LRRC2: variants seen among roughly 807,000 people sequenced by gnomAD.
LRRC2 encodes the protein leucine rich repeat containing 2.
In LRRC2, 27 loss-of-function variants were observed where a neutral mutation model predicts 40.2. That is an observed-to-expected ratio of 0.67 (90% CI 0.49 to 0.93). The LOEUF is 0.93. Among genes scored for constraint, LRRC2 ranks in the 40% least tolerant of loss-of-function variants. LRRC2 has a pLI of 0.00. For synonymous variants in LRRC2, 147 were observed against 158.9 expected (o/e 0.92, Z 0.56); for missense variants, 402 against 439.6 (o/e 0.91, Z 0.76).
At chr3:46,544,511 C>G (rs977462865) in intron 3 of LRRC2, among the ~76,000 whole-genome samples, 1 of 152,158 alleles carries the variant, frequency 6.6e-6, no homozygotes, top group African/African-American at 2.4e-5. Context: ...TGGCAAGATA[C>G]AAAGAGATGG....
chr3:46,529,927 C>A lies in LRRC2; in HGVS notation c.751G>T (p.Asp251Tyr), dbSNP rs757987500. Residue 251 changes from aspartate to tyrosine, a missense_variant, in exon 6 of 9, where the codon GAC (aspartate) becomes TAC (tyrosine). By Grantham distance (160) the Asp-to-Tyr change is radical. Transcript: ENST00000395905. ...TACCTGTCTATATCTTGCGGCAGGT[C>A]GGTCAGGTTATTGCTGCTGATATCC... ...WLDISSNNLT[D>Y]LPQDIDRLEE... is the part of the protein sequence containing the mutation. 1 of 1,614,034 alleles carries A rather than the reference C, an allele frequency of 6.2e-7. No homozygotes were observed. Among genetic ancestry groups the A allele is most frequent in the Non-Finnish European group, 8.5e-7 (1 of 1,180,006 alleles).
At chr3:46,529,799 G>T in intron 6 of LRRC2, 106 bp downstream of exon 6, 1 of 1,199,944 alleles carries the variant, frequency 8.3e-7, no homozygotes, top group Non-Finnish European at 1.2e-6. Context: ...TGGAAAATTA[G>T]TTGATTCCAA....
chr3:46,557,193 GA>G (rs1326763755), intron 1 of LRRC2, among the ~76,000 whole-genome samples: 1 of 152,128 alleles, frequency 6.6e-6, no homozygotes, highest in Non-Finnish European at 1.5e-5. Context: ...CACCACAAAA[GA>G]AGTGTAAATG....
At chr3:46,560,817 A>T (rs546852176) in intron 1 of LRRC2, among the ~76,000 whole-genome samples, 16 of 152,286 alleles carry the variant, frequency 1.1e-4, no homozygotes, top group South Asian at 6.2e-4. Flanking sequence ...CAGAAGGAGA[A>T]CGGTGGCATC....
At chr3:46,538,810 T>G (rs1290035299) in intron 4 of LRRC2, among the ~76,000 whole-genome samples, 1 of 152,242 alleles carries the variant, frequency 6.6e-6, no homozygotes, top group African/African-American at 2.4e-5. Context: ...AACTTCTGGT[T>G]TCTGAGCAAT....
At chr3:46,545,877 G>C (rs141278814) in intron 2 of LRRC2, among the ~76,000 whole-genome samples, 70 of 152,362 alleles carry the variant, frequency 4.6e-4, no homozygotes, top group African/African-American at 1.6e-3. Context: ...CCACACAGCT[G>C]TCAGAACAGG....
intron 1 of LRRC2, among the ~76,000 whole-genome samples, chr3:46,563,771 C>T (rs1049015239): frequency 9.8e-5 from 15 of 152,306 alleles, no homozygotes; most frequent in Middle Eastern, 3.4e-3. Flanking sequence ...GTTCACACAC[C>T]GGCCCCCATG....
At chr3:46,557,157 C>G (rs1249631635) in intron 1 of LRRC2, among the ~76,000 whole-genome samples, 1 of 152,150 alleles carries the variant, frequency 6.6e-6, no homozygotes, top group Non-Finnish European at 1.5e-5. Context: ...TGAAAATGCC[C>G]TGCCCCGCCT....
Position 46,539,163 on chromosome 3 carries a change from T to C in LRRC2, c.372A>G (p.Arg124=), listed in dbSNP as rs752786282. Residue 124 remains arginine, a synonymous_variant, in exon 4 of 9, where the codon AGA becomes AGG. Coordinates refer to ENST00000395905, the MANE Select transcript of LRRC2 (RefSeq NM_024512.5). The part of the protein sequence containing the change: ...PDSLKEQTHL[R]EWYISNTLIQ... ...TCAAGGTATTGCTTATGTACCATTC[T>C]CTCAGGTGTGTCTGCTCCTTCAATG... 5.0e-6 allele frequency: 8 copies of C among 1,614,036 alleles called. No individual in the cohort carries two copies. The East Asian group carries it at 1.6e-4, about 31-fold the overall frequency.
chr3:46,520,822 C>T (rs1032649823), intron 8 of LRRC2, among the ~76,000 whole-genome samples: 16 of 152,204 alleles, frequency 1.1e-4, no homozygotes, highest in African/African-American at 2.9e-4. Context: ...GGCATCCACA[C>T]CCAGAAAGGA....
At chr3:46,522,767 ACACACACACACACACAC>A (rs2106977602) in intron 7 of LRRC2, among the ~76,000 whole-genome samples, 2 of 31,388 alleles carry the variant, frequency 6.4e-5, no homozygotes, top group South Asian at 5.0e-3. Context: ...GCTAACACAC[ACACACACACACACACAC>A]ACACACACAC....
intron 1 of LRRC2, among the ~76,000 whole-genome samples, chr3:46,563,372 C>G (rs1379258262): frequency 6.6e-6 from 1 of 152,138 alleles, no homozygotes; most frequent in Admixed American, 6.5e-5. Context: ...AGGCAGTGAG[C>G]CCCTGGCATG....
rs1559411799 is a variant in LRRC2, at chr3:46,533,740, TCC to T, written c.491-833_491-832del. Among the ~76,000 whole-genome samples, 97 of 92,984 alleles carry T rather than the reference TCC, an allele frequency of 1.0e-3. 1 individual carries two copies. Among genetic ancestry groups the T allele is most frequent in the Middle Eastern group, 0.011 (2 of 182 alleles). The allele number at this position is 92,984 out of a possible 152,430, so 61.0% of individuals were successfully genotyped here. ...TTCCTTCCTTCCTTCCTTCCTTCCT[TCC>T]TTCCTTCTTCCTTCCCTCCCTCCCT... is the stretch of plus-strand genomic sequence containing the variant. On this transcript the variant is annotated intron_variant, in intron 4 of 8. Coordinates refer to ENST00000395905, the MANE Select transcript of LRRC2 (RefSeq NM_024512.5).
chr3:46,553,094 T>G (rs1315243721), intron 1 of LRRC2, among the ~76,000 whole-genome samples: 1 of 152,170 alleles, frequency 6.6e-6, no homozygotes, highest in East Asian at 1.9e-4. Flanking sequence ...AGATATTGCT[T>G]CACTCTCAGG....
At chr3:46,535,743 G>A (rs1704258429) in intron 4 of LRRC2, among the ~76,000 whole-genome samples, 2 of 152,040 alleles carry the variant, frequency 1.3e-5, no homozygotes, top group African/African-American at 4.8e-5. Context: ...TCAGCTACTA[G>A]GGAGAATGGG....
chr3:46,551,751 C>CTTTGTTT (rs1704659113), intron 1 of LRRC2, 141 bp from the exon 2 acceptor site: 1 of 133,972 alleles, frequency 7.5e-6, no homozygotes, highest in African/African-American at 5.3e-5. Context: ...TGACAGTTTG[C>CTTTGTTT]TTTTTTTTTT....
chr3:46,551,460 C>T lies in LRRC2; in HGVS notation c.125+7G>A. 2 of 1,612,156 alleles carry T rather than the reference C, an allele frequency of 1.2e-6. No individual in the cohort carries two copies. Among genetic ancestry groups the T allele is most frequent in the South Asian group, 1.1e-5 (1 of 90,324 alleles). On this transcript the variant is annotated splice_region_variant and intron_variant, in intron 2 of 8. Coordinates refer to ENST00000395905, the MANE Select transcript of LRRC2 (RefSeq NM_024512.5). ...AAGCTACAAGACTAGGTTGAGAAAACACGTACTTCTCCAAGGCGCTCTTCT... is the reference window on the plus strand; with the variant it reads ...AAGCTACAAGACTAGGTTGAGAAAATACGTACTTCTCCAAGGCGCTCTTCT...
chr3:46,533,048 G>A, intron 4 of LRRC2, 139 bp from the exon 5 acceptor site: 2 of 848,010 alleles, frequency 2.4e-6, no homozygotes, highest in Non-Finnish European at 3.6e-6. Flanking sequence ...TGGGTTTTGG[G>A]GGGTGTATCT....
At chr3:46,543,318 A>G (rs1008234285) in intron 3 of LRRC2, among the ~76,000 whole-genome samples, 1 of 152,144 alleles carries the variant, frequency 6.6e-6, no homozygotes. Context: ...TACCGGGCAC[A>G]TTAAACACGC....
Sources: gnomAD v4.1 joint callset for allele counts (sites outside exome capture counted in the v4.1 genomes callset) on GRCh38, gnomAD v4.1.1 for gene constraint, MANE v1.5 for transcripts, NCBI Gene and HGNC (gene_info 2026-07-23, HGNC 2026-07-21) for gene names.